Variants in RNF212 observed in about 807,000 individuals in gnomAD.
RNF212 encodes the protein ring finger protein 212.
RNF212 carries 33 observed loss-of-function variants against 34.7 expected under a neutral mutation model. The observed-to-expected ratio is 0.95, with a 90% CI of 0.72 to 1.27. RNF212 has a LOEUF of 1.27. Among genes scored for constraint, RNF212 ranks in the 50% most tolerant of loss-of-function variants. The pLI, the probability that RNF212 is intolerant of heterozygous loss-of-function variation, is 0.00. For synonymous variants in RNF212, 140 were observed against 136.1 expected (o/e 1.03, Z -0.20); for missense variants, 377 against 362.2 (o/e 1.04, Z -0.33).
In RNF212 at chr4:1,091,536, C is replaced by T. The variant is rs575929113; in HGVS notation, c.247-698G>A. Among the ~76,000 whole-genome samples, 4 of 152,320 alleles carry T rather than the reference C, an allele frequency of 2.6e-5. No individual in the cohort carries two copies. The East Asian group carries it at 5.8e-4, about 22-fold the overall frequency. ...CTGTGGCTCCACTGGTACTGAAAGT[C>T]GGCGTCCTCTAGCTCCATCCCCCAC... On this transcript the variant is annotated intron_variant, in intron 3 of 9. Transcript: ENST00000433731.
At chr4:1,090,981 C>A (rs543203897) in intron 3 of RNF212, 143 bp from the exon 4 acceptor site, 2 of 605,112 alleles carry the variant, frequency 3.3e-6, no homozygotes, top group Admixed American at 3.1e-5. Context: ...CACAGACGCC[C>A]ATGGCCAGTG....
downstream of RNF212, among the ~76,000 whole-genome samples, chr4:1,067,301 C>T (rs1041154753): frequency 2.0e-5 from 3 of 151,920 alleles, no homozygotes; most frequent in Non-Finnish European, 4.4e-5. Context: ...AACTAAAAAT[C>T]CTGTCATATA....
chr4:1,107,705 C>G (rs925995712), intron 2 of RNF212, among the ~76,000 whole-genome samples: 2 of 152,168 alleles, frequency 1.3e-5, no homozygotes, highest in Non-Finnish European at 2.9e-5. Context: ...CCATCTTGGC[C>G]TCCCAAAGTG....
chr4:1,065,727 C>A (rs946603925), intron 3 of RNF212, among the ~76,000 whole-genome samples: 1 of 151,896 alleles, frequency 6.6e-6, no homozygotes, highest in African/African-American at 2.4e-5. Context: ...GCTGGGACTA[C>A]AGGTGTGTGC....
At chr4:1,096,617 C>T (rs2153056344) in intron 3 of RNF212, 148 bp downstream of exon 3, 1 of 689,658 alleles carries the variant, frequency 1.4e-6, no homozygotes, top group East Asian at 2.5e-5. Context: ...TGGCTCATCA[C>T]AGAACCAAGC....
intron 4 of RNF212, among the ~76,000 whole-genome samples, chr4:1,088,058 T>C (rs1036772282): frequency 5.3e-5 from 8 of 152,106 alleles, no homozygotes; most frequent in African/African-American, 1.9e-4. Context: ...TAACTAAAAA[T>C]GTGGAAGCAA....
intron 1 of RNF212, among the ~76,000 whole-genome samples, chr4:1,110,230 A>G (rs375492151): frequency 6.6e-6 from 1 of 152,212 alleles, no homozygotes; most frequent in Non-Finnish European, 1.5e-5. Flanking sequence ...AAACACCTCA[A>G]TAAAAGGCTA....
intron 2 of RNF212, among the ~76,000 whole-genome samples, chr4:1,099,467 C>T (rs772506025): frequency 7.2e-4 from 109 of 152,148 alleles, no homozygotes; most frequent in Non-Finnish European, 1.3e-3. Flanking sequence ...ATGGTGGGGC[C>T]TCCTGCAGTG....
At chr4:1,056,709 C>T in intron 4 of RNF212, 2 of 540,450 alleles carry the variant, frequency 3.7e-6, no homozygotes, top group Non-Finnish European at 4.7e-6. Context: ...TAAGGCAAAA[C>T]TCAGAAACAC....
At chr4:1,105,546 T>C (rs1253973619) in intron 2 of RNF212, among the ~76,000 whole-genome samples, 2 of 152,254 alleles carry the variant, frequency 1.3e-5, no homozygotes, top group African/African-American at 4.8e-5. Flanking sequence ...TACATGGTAG[T>C]GTCTGTCACA....
chr4:1,094,078 C>G (rs1409833075), intron 3 of RNF212: 2 of 1,371,028 alleles, frequency 1.5e-6, no homozygotes. Context: ...TCTTGGGGAC[C>G]TGGCTGACCA....
chr4:1,061,867 G>A (rs896665855), intron 3 of RNF212, among the ~76,000 whole-genome samples: 1 of 152,186 alleles, frequency 6.6e-6, no homozygotes, highest in Non-Finnish European at 1.5e-5. Flanking sequence ...CAGTACCCAG[G>A]TTGTCCAGAT....
chr4:1,076,942 C>A (rs970397472), intron 8 of RNF212, among the ~76,000 whole-genome samples: 1 of 152,192 alleles, frequency 6.6e-6, no homozygotes, highest in African/African-American at 2.4e-5. Context: ...TACTATCTGG[C>A]CCTTTACAAA....
intron 7 of RNF212, among the ~76,000 whole-genome samples, chr4:1,080,404 C>T (rs1298611619): frequency 6.6e-6 from 1 of 152,150 alleles, no homozygotes; most frequent in Non-Finnish European, 1.5e-5. Context: ...CAACAGTTTC[C>T]AGTTCTCCAC....
intron 4 of RNF212, among the ~76,000 whole-genome samples, chr4:1,088,164 G>T (rs1337488613): frequency 6.6e-6 from 1 of 152,236 alleles, no homozygotes; most frequent in Non-Finnish European, 1.5e-5. Context: ...CTAGAGAGTT[G>T]TTGAATGGTT....
chr4:1,096,633 C>A (rs662732), intron 3 of RNF212, 132 bp downstream of exon 3: 75 of 614,464 alleles, frequency 1.2e-4, no homozygotes, highest in African/African-American at 3.3e-4. Flanking sequence ...CAAGCACACC[C>A]CTCACAGCTC....
Position 1,081,312 on chromosome 4 carries a change from T to A in RNF212, c.464+107A>T, listed in dbSNP as rs77129670. ...GTTCATGTCCAGTCAACTGTATGGA[T>A]TAGCAAAATCTGGGGGCTTGGAGAG... On this transcript the variant is annotated intron_variant, in intron 7 of 9. Transcript: ENST00000433731. 3.9e-3 allele frequency: 3,699 copies of A among 941,960 alleles called. 161 individuals are homozygous for A. The East Asian group carries it at 0.073, about 19-fold the overall frequency. The allele number at this position is 941,960 out of a possible 1,614,324, so 58.4% of individuals were successfully genotyped here.
At chr4:1,056,714 A>T in intron 4 of RNF212, 1 of 566,242 alleles carries the variant, frequency 1.8e-6, no homozygotes, top group Non-Finnish European at 2.2e-6. Context: ...CAAAACTCAG[A>T]AACACAACTC....
At chr4:1,091,576 C>T (rs1489026399) in intron 3 of RNF212, among the ~76,000 whole-genome samples, 2 of 152,184 alleles carry the variant, frequency 1.3e-5, no homozygotes, top group African/African-American at 4.8e-5. Flanking sequence ...CTCCACCTTG[C>T]CATCTGCGAT....
Sources: allele counts gnomAD v4.1 joint callset (sites outside exome capture counted in the v4.1 genomes callset), GRCh38; gene constraint gnomAD v4.1.1; transcripts MANE v1.5; gene names NCBI Gene and HGNC (gene_info 2026-07-23, HGNC 2026-07-21).